The following CTNNA1 variants were observed in gnomAD, a reference collection of about 807,000 sequenced individuals.
CTNNA1 encodes the protein catenin alpha-1.
A neutral mutation model predicts 98.4 loss-of-function variants in CTNNA1; 37 were observed. The ratio of observed to expected loss-of-function variants is 0.38; its 90% CI spans 0.29 to 0.49. CTNNA1 has a LOEUF of 0.49. Among genes scored for constraint, CTNNA1 ranks in the 20% least tolerant of loss-of-function variants. The pLI is 0.95. For missense variants in CTNNA1, 761 were observed against 1,147.2 expected, an observed-to-expected ratio of 0.66 and a Z score of 4.86; for synonymous variants, 404 against 413.2, an observed-to-expected ratio of 0.98 and a Z score of 0.27.
intron 3 of CTNNA1, among the ~76,000 whole-genome samples, chr5:138,791,898 G>A (rs1035979056): frequency 6.7e-6 from 1 of 149,922 alleles, no homozygotes; most frequent in Non-Finnish European, 1.5e-5. Flanking sequence ...CATGTGCACA[G>A]CATGCAGGTT....
intron 11 of CTNNA1, among the ~76,000 whole-genome samples, chr5:138,922,982 G>A (rs1299594052): frequency 7.1e-6 from 1 of 140,766 alleles, no homozygotes; most frequent in African/African-American, 2.8e-5. Flanking sequence ...AAAATCCTTG[G>A]TGGAAGTTTG....
chr5:138,816,328 T>C (rs1421127984), intron 5 of CTNNA1, among the ~76,000 whole-genome samples: 2 of 152,260 alleles, frequency 1.3e-5, no homozygotes, highest in Non-Finnish European at 2.9e-5. Flanking sequence ...TGAATAGAGC[T>C]GCAGTAAACA....
At chr5:138,781,467 A>T (rs555286949) in intron 1 of CTNNA1, among the ~76,000 whole-genome samples, 146 of 152,066 alleles carry the variant, frequency 9.6e-4, no homozygotes, top group African/African-American at 3.2e-3. Context: ...GAGGCCAGAG[A>T]ATGGCGTGAA....
In CTNNA1 at chr5:138,783,266, T is replaced by C; in HGVS notation, c.195T>C (p.Val65=). Residue 65 remains valine (V), a synonymous_variant, in exon 3 of 18, where the codon GTT becomes GTC. Transcript: ENST00000302763. ...SKKAHVLAAS[V]EQATENFLEK... is the part of the protein sequence containing the mutation. ...AGGCCCATGTTTTGGCTGCATCTGT[T>C]GAACAAGCAACTGAGAATTTCTTGG... The C allele has an allele frequency of 1.2e-6, 2 of 1,614,164 alleles. No individual in the cohort carries two copies. The highest frequency in any genetic ancestry group is 2.2e-5 in the South Asian group (2 of 91,078).
At chr5:138,869,092 C>T (rs1301353783) in intron 7 of CTNNA1, 1 of 140,814 alleles carries the variant, frequency 7.1e-6, no homozygotes, top group Non-Finnish European at 1.5e-5. Flanking sequence ...GGTGATTGAA[C>T]ACAATGTATT....
At chr5:138,776,246 C>CT (rs754581583) in intron 1 of CTNNA1, among the ~76,000 whole-genome samples, 6 of 151,786 alleles carry the variant, frequency 4.0e-5, no homozygotes, top group Admixed American at 3.3e-4. Context: ...GGTGATGACT[C>CT]TTAACGAGCA....
At chr5:138,793,221 C>T (rs1756565779) in intron 3 of CTNNA1, among the ~76,000 whole-genome samples, 1 of 152,172 alleles carries the variant, frequency 6.6e-6, no homozygotes, top group Non-Finnish European at 1.5e-5. Flanking sequence ...AGCTGGTTGT[C>T]ATCTGGGAAT....
intron 3 of CTNNA1, among the ~76,000 whole-genome samples, chr5:138,798,387 A>G (rs970209713): frequency 2.6e-5 from 4 of 152,244 alleles, no homozygotes; most frequent in Non-Finnish European, 5.9e-5. Context: ...TACACCAAGT[A>G]GTGTTCTGGG....
At chr5:138,894,624 G>A (rs1756338897) in intron 9 of CTNNA1, among the ~76,000 whole-genome samples, 1 of 151,708 alleles carries the variant, frequency 6.6e-6, no homozygotes, top group Non-Finnish European at 1.5e-5. Context: ...CTCTCACTGG[G>A]CTTCTGTAGC....
At chr5:138,880,132 A>G (rs1389348563) in intron 7 of CTNNA1, 1 of 152,244 alleles carries the variant, frequency 6.6e-6, no homozygotes, top group Non-Finnish European at 1.5e-5. Context: ...TATAGACATC[A>G]AAACAAAAAT....
chr5:138,810,083 G>A lies in CTNNA1; in HGVS notation c.347G>A (p.Cys116Tyr), dbSNP rs761084210. ...AAAGEFADDPCSSVKRGNMVR... is the reference protein window; with the variant it reads ...AAAGEFADDPYSSVKRGNMVR... Reference sequence around the variant, plus strand: ...GCAGGAGAGTTCGCAGATGATCCCTGCTCTTCTGTGAAGCGAGGCAACATG... The same window carrying A: ...GCAGGAGAGTTCGCAGATGATCCCTACTCTTCTGTGAAGCGAGGCAACATG... The change falls in exon 4 of 18, where the codon TGC (cysteine) becomes TAC (tyrosine). Residue 116 changes from cysteine (C) to tyrosine (Y), a missense_variant. Transcript: ENST00000302763. 2.2e-5 allele frequency: 35 copies of A among 1,614,002 alleles called. No homozygotes were observed. The highest frequency in any genetic ancestry group is 2.6e-5 in the Non-Finnish European group (31 of 1,179,972).
chr5:138,855,692 T>C (rs2149863017), intron 7 of CTNNA1, among the ~76,000 whole-genome samples: 1 of 152,348 alleles, frequency 6.6e-6, no homozygotes, highest in South Asian at 2.1e-4. Context: ...AGCGTGTGTC[T>C]TTCCTTCTTA....
intron 8 of CTNNA1, 115 bp downstream of exon 8, chr5:138,886,407 C>A: frequency 8.9e-7 from 1 of 1,125,852 alleles, no homozygotes; most frequent in Non-Finnish European, 1.3e-6. Flanking sequence ...GATGGATTTT[C>A]ACAAGAAAGT....
intron 3 of CTNNA1, among the ~76,000 whole-genome samples, chr5:138,794,782 A>T (rs949608459): frequency 2.0e-5 from 3 of 152,220 alleles, no homozygotes; most frequent in African/African-American, 4.8e-5. Flanking sequence ...ACTTTGGATT[A>T]TCTTGAAGTT....
At chr5:138,904,654 C>T in intron 10 of CTNNA1, 1 of 594,542 alleles carries the variant, frequency 1.7e-6, no homozygotes, top group Non-Finnish European at 2.7e-6. Context: ...ACTCCTGGCC[C>T]TTCATTGAAA....
intron 4 of CTNNA1, among the ~76,000 whole-genome samples, chr5:138,811,628 G>A (rs1020203121): frequency 1.1e-4 from 16 of 152,286 alleles, no homozygotes; most frequent in African/African-American, 3.6e-4. Flanking sequence ...CCTGGGCACT[G>A]TTGAGCACCG....
chr5:138,785,304 G>A (rs1031387287), intron 3 of CTNNA1, among the ~76,000 whole-genome samples: 5 of 151,632 alleles, frequency 3.3e-5, no homozygotes, highest in South Asian at 4.2e-4. Flanking sequence ...CTCGTGATCC[G>A]CCCGCCTCGG....
intron 7 of CTNNA1, among the ~76,000 whole-genome samples, chr5:138,853,614 T>TA (rs1260406353): frequency 1.3e-5 from 2 of 152,210 alleles, no homozygotes; most frequent in East Asian, 3.8e-4. Flanking sequence ...TTAGATTACT[T>TA]ACATGCACAT....
At chr5:138,792,560 A>G (rs963667956) in intron 3 of CTNNA1, among the ~76,000 whole-genome samples, 3 of 152,210 alleles carry the variant, frequency 2.0e-5, no homozygotes, top group African/African-American at 7.2e-5. Context: ...TGGGTTCATG[A>G]TGTGAAGACT....
Sources: allele counts gnomAD v4.1 joint callset (sites outside exome capture counted in the v4.1 genomes callset), GRCh38; gene constraint gnomAD v4.1.1; transcripts MANE v1.5; gene names NCBI Gene and HGNC (gene_info 2026-07-23, HGNC 2026-07-21).